IFT81: variants seen among roughly 807,000 people sequenced by gnomAD.
IFT81 encodes the protein intraflagellar transport protein 81 homolog.
A neutral mutation model predicts 102.6 loss-of-function variants in IFT81; 72 were observed. The observed-to-expected ratio is 0.70, with a 90% CI of 0.58 to 0.85. IFT81 has a LOEUF of 0.85. Among genes scored for constraint, IFT81 ranks in the 40% least tolerant of loss-of-function variants. The pLI is 0.00. For missense variants in IFT81, 723 were observed against 787.3 expected (o/e 0.92, Z 0.98); for synonymous variants, 237 against 242.7 (o/e 0.98, Z 0.22).
At chr12:110,191,485 C>G (rs1054184837) in intron 13 of IFT81, among the ~76,000 whole-genome samples, 1 of 152,068 alleles carries the variant, frequency 6.6e-6, no homozygotes, top group African/African-American at 2.4e-5. Context: ...CTGTCTTTAT[C>G]AATCTCTTTT....
chr12:110,150,086 T>TTTTG (rs894171600), intron 10 of IFT81, among the ~76,000 whole-genome samples: 2 of 152,000 alleles, frequency 1.3e-5, no homozygotes, highest in African/African-American at 2.4e-5. Context: ...CTCGTTGATT[T>TTTTG]TTTGTTTGTT....
intron 11 of IFT81, chr12:110,169,064 CCTTCCTTCCTTCCTTCCT>C: frequency 6.8e-6 from 1 of 147,952 alleles, no homozygotes; most frequent in African/African-American, 2.6e-5. Context: ...TTCCTTCCTT[CCTTCCTTCCTTCCTTCCT>C]CTCTCTCTCT....
intron 14 of IFT81, among the ~76,000 whole-genome samples, chr12:110,196,206 G>A (rs1022432001): frequency 2.0e-5 from 3 of 152,144 alleles, no homozygotes; most frequent in African/African-American, 7.2e-5. Context: ...ATTTTGTTAT[G>A]TGTATTTTAT....
chr12:110,157,095 A>G (rs1895884650), intron 10 of IFT81, among the ~76,000 whole-genome samples: 1 of 151,810 alleles, frequency 6.6e-6, no homozygotes, highest in Non-Finnish European at 1.5e-5. Flanking sequence ...CATGCCTGTA[A>G]TCCCAACACT....
rs746793227 is a variant in IFT81, at chr12:110,190,944, A to G, written c.1363A>G (p.Ile455Val). 18 of 1,590,340 alleles carry G rather than the reference A, an allele frequency of 1.1e-5. No individual in the cohort carries two copies. Among genetic ancestry groups the G allele is most frequent in the Non-Finnish European group, 1.5e-5 (17 of 1,170,668 alleles). The change falls in exon 13 of 19, where the codon ATA becomes GTA. Residue 455 changes from isoleucine (I) to valine (V), a missense_variant. Transcript: ENST00000242591. Reference protein sequence around the residue: ...QLQTMEEKKGISGYSYTQEEL... With the variant: ...QLQTMEEKKGVSGYSYTQEEL... Reference sequence around the variant, plus strand: ...GCAAACTATGGAGGAGAAAAAGGGTATATCTGGATATAGTTACACCCAAGA... The same window carrying G: ...GCAAACTATGGAGGAGAAAAAGGGTGTATCTGGATATAGTTACACCCAAGA...
intron 10 of IFT81, among the ~76,000 whole-genome samples, chr12:110,151,406 A>G (rs1895520037): frequency 6.6e-6 from 1 of 152,124 alleles, no homozygotes; most frequent in Non-Finnish European, 1.5e-5. Context: ...TAGCTACATC[A>G]TGTTTTGTTT....
At chr12:110,191,849 A>G (rs1452405299) in intron 13 of IFT81, among the ~76,000 whole-genome samples, 4 of 151,990 alleles carry the variant, frequency 2.6e-5, no homozygotes, top group East Asian at 3.9e-4. Context: ...TCTCATCACA[A>G]TCTAACTCCT....
chr12:110,147,649 A>C (rs1033603874), intron 10 of IFT81, among the ~76,000 whole-genome samples: 7 of 152,216 alleles, frequency 4.6e-5, no homozygotes, highest in African/African-American at 1.7e-4. Context: ...AGCATTATTT[A>C]AGGACATTAG....
At chr12:110,174,450 C>G (rs1160080677) in intron 11 of IFT81, among the ~76,000 whole-genome samples, 1 of 139,110 alleles carries the variant, frequency 7.2e-6, no homozygotes, top group Non-Finnish European at 1.5e-5. Flanking sequence ...AGCAAGACTC[C>G]GTCTCAGAAA....
chr12:110,205,263 G>A, intron 15 of IFT81, 180 bp from the exon 16 acceptor site: 1 of 541,154 alleles, frequency 1.8e-6, no homozygotes, highest in Admixed American at 4.0e-5. Flanking sequence ...GCAGGTTATA[G>A]AGTGATATGT....
At chr12:110,194,042 G>C (rs763414800) in intron 14 of IFT81, among the ~76,000 whole-genome samples, 11 of 152,100 alleles carry the variant, frequency 7.2e-5, no homozygotes, top group Non-Finnish European at 1.3e-4. Context: ...GAGCAGCAAG[G>C]GGGTGGGAGG....
chr12:110,152,817 A>G (rs562210736), intron 10 of IFT81, among the ~76,000 whole-genome samples: 2 of 152,134 alleles, frequency 1.3e-5, no homozygotes, highest in East Asian at 1.9e-4. Flanking sequence ...CTGGTCTGCA[A>G]TCCCTTCAAG....
intron 10 of IFT81, among the ~76,000 whole-genome samples, chr12:110,153,374 A>G (rs1202428833): frequency 6.6e-6 from 1 of 150,854 alleles, no homozygotes; most frequent in Non-Finnish European, 1.5e-5. Context: ...AGCTGGGATT[A>G]CAGGCATGCA....
At chr12:110,150,769 A>G (rs1895482237) in intron 10 of IFT81, among the ~76,000 whole-genome samples, 1 of 152,186 alleles carries the variant, frequency 6.6e-6, no homozygotes, top group Non-Finnish European at 1.5e-5. Context: ...ATATTCAAAT[A>G]AGTTTCCAGC....
chr12:110,217,226 G>A (rs1223641613), intron 18 of IFT81, among the ~76,000 whole-genome samples: 2 of 151,914 alleles, frequency 1.3e-5, no homozygotes, highest in East Asian at 3.9e-4. Flanking sequence ...TGTATTTTTA[G>A]TAGAGATAGG....
At chr12:110,135,675 T>A (rs552794028) in intron 7 of IFT81, among the ~76,000 whole-genome samples, 2 of 152,172 alleles carry the variant, frequency 1.3e-5, no homozygotes, top group East Asian at 3.9e-4. Flanking sequence ...AAGACCAGCC[T>A]GGCCAGCACA....
Position 110,190,990 on chromosome 12 carries a change from C to T in IFT81, c.1409C>T (p.Ala470Val). The change falls in exon 13 of 19, where the codon GCA (alanine) becomes GTA (valine). Residue 470 changes from alanine to valine, a missense_variant. Transcript: ENST00000242591. The stretch of plus-strand genomic sequence containing the variant: ...CAAGAAGAGCTAGAAAGAGTATCTG[C>T]ACTGAAGAGTGAAGTTGATGAAATG... Reference protein sequence around the residue: ...YTQEELERVSALKSEVDEMKG... With the variant: ...YTQEELERVSVLKSEVDEMKG... 2 of 1,609,794 alleles carry T rather than the reference C, an allele frequency of 1.2e-6. No homozygotes were observed. The highest frequency in any genetic ancestry group is 1.1e-5 in the South Asian group (1 of 90,352).
At chr12:110,125,329 C>T (rs1207476020) in intron 1 of IFT81, among the ~76,000 whole-genome samples, 2 of 152,108 alleles carry the variant, frequency 1.3e-5, no homozygotes, top group Non-Finnish European at 2.9e-5. Flanking sequence ...CCTCTTTTGA[C>T]TTATTTCTTA....
At chr12:110,212,537 T>TAA (rs71083109) in intron 18 of IFT81, among the ~76,000 whole-genome samples, 1,406 of 119,926 alleles carry the variant, frequency 0.012, 25 homozygotes, top group Middle Eastern at 0.062. Flanking sequence ...AACTGTGTCT[T>TAA]AAAAAAAAAA....
Sources: allele counts gnomAD v4.1 joint callset (sites outside exome capture counted in the v4.1 genomes callset), GRCh38; gene constraint gnomAD v4.1.1; transcripts MANE v1.5; gene names NCBI Gene and HGNC (gene_info 2026-07-23, HGNC 2026-07-21).